Variants in NAXD observed in about 807,000 individuals in gnomAD.
The protein encoded by NAXD is NAD(P)HX dehydratase, also known as ATP-dependent (S)-NAD(P)H-hydrate dehydratase.
Under a neutral mutation model 35.8 loss-of-function variants are expected in NAXD, and 22 were observed. That is an observed-to-expected ratio of 0.62 (90% CI 0.44 to 0.88). NAXD has a LOEUF of 0.88. Among genes scored for constraint, NAXD ranks in the 40% least tolerant of loss-of-function variants. The pLI is 0.00. For synonymous variants in NAXD, 189 were observed against 177.6 expected (o/e 1.06, Z -0.51); for missense variants, 428 against 437.7 (o/e 0.98, Z 0.20).
rs763737832 is a variant in NAXD at position 110,635,572 on chromosome 13, C to G, written c.702C>G (p.Leu234=). The change falls in exon 8 of 10, where the codon CTC becomes CTG. Residue 234 remains leucine (L), a synonymous_variant. Transcript: ENST00000680254. ...TVVQKGERDI[L]SNGQQVLVCS... ...TCCAGAAAGGAGAGCGCGACATCCT[C>G]TCCAACGGCCAGCAGGGTGAGTGGC... is the stretch of plus-strand genomic sequence containing the variant. 5 of 1,614,090 alleles carry G rather than the reference C, an allele frequency of 3.1e-6. No individual in the cohort carries two copies. In the South Asian group the frequency reaches 5.5e-5, roughly 18 times the overall value.
chr13:110,634,836 A>T, intron 7 of NAXD, 60 bp downstream of exon 7: 2 of 1,278,958 alleles, frequency 1.6e-6, no homozygotes, highest in Non-Finnish European at 1.1e-6. Context: ...AAGAGGGTGA[A>T]GGACGAGCTC....
chr13:110,639,191 T>G lies in NAXD; in HGVS notation c.*663T>G. 6.1e-6 allele frequency: 1 copy of G among 163,828 alleles called. No homozygotes were observed. The highest frequency in any genetic ancestry group is 1.6e-4 in the South Asian group (1 of 6,218). 10.1% of individuals were successfully genotyped at this position (163,828 alleles called of 1,614,324 possible). A position where few individuals can be genotyped will look rare whatever the true frequency, so the allele number is the denominator to read the frequency against. ...AACATGAGTGACGCTGACCCTTGAGTGTGTGGGTGGGGAGCTCTGAGACGC... is the reference window on the plus strand; with the variant it reads ...AACATGAGTGACGCTGACCCTTGAGGGTGTGGGTGGGGAGCTCTGAGACGC... On this transcript the variant is annotated 3_prime_UTR_variant, in exon 10 of 10. Transcript: ENST00000680254.
chr13:110,623,934 G>A (rs1209761820), intron 2 of NAXD, among the ~76,000 whole-genome samples: 4 of 151,600 alleles, frequency 2.6e-5, no homozygotes, highest in Non-Finnish European at 5.9e-5. Context: ...CCCAGGAGGC[G>A]GAGGTTGCAA....
chr13:110,634,603 G>C lies in NAXD; in HGVS notation c.492+8G>C. 1 of 1,614,196 alleles carries C rather than the reference G, an allele frequency of 6.2e-7. No homozygotes were observed. Among genetic ancestry groups the C allele is most frequent in the Non-Finnish European group, 8.5e-7 (1 of 1,180,026 alleles). On this transcript the variant is annotated splice_region_variant and intron_variant, in intron 6 of 9. Coordinates refer to ENST00000680254, the MANE Select transcript of NAXD (RefSeq NM_001242882.2). ...CCTGTTGTCATCGACGCGGTGAGTTGACTTCTCTCCTCCTGGCTCGGACTC... is the reference window on the plus strand; with the variant it reads ...CCTGTTGTCATCGACGCGGTGAGTTCACTTCTCTCCTCCTGGCTCGGACTC...
chr13:110,631,983 T>C (rs1481586466), intron 5 of NAXD, among the ~76,000 whole-genome samples: 1 of 152,234 alleles, frequency 6.6e-6, no homozygotes, highest in African/African-American at 2.4e-5. Context: ...TTCAATACTT[T>C]AAATTATTCT....
intron 5 of NAXD, among the ~76,000 whole-genome samples, chr13:110,629,185 A>T (rs1886615720): frequency 1.3e-5 from 2 of 152,164 alleles, no homozygotes; most frequent in South Asian, 4.1e-4. Flanking sequence ...AAACAACCCG[A>T]TTAGGTAGAT....
chr13:110,625,746 C>G (rs903300180), intron 4 of NAXD, among the ~76,000 whole-genome samples: 1 of 152,252 alleles, frequency 6.6e-6, no homozygotes, highest in Non-Finnish European at 1.5e-5. Flanking sequence ...TGGAGGTGTT[C>G]TCTCTGCCGT....
intron 1 of NAXD, among the ~76,000 whole-genome samples, chr13:110,617,454 T>C (rs891736175): frequency 6.6e-6 from 1 of 152,222 alleles, no homozygotes; most frequent in Non-Finnish European, 1.5e-5. Flanking sequence ...AATGTTTCTG[T>C]GTTAACATTT....
In NAXD at chr13:110,635,576, A is replaced by G; in HGVS notation, c.706A>G (p.Asn236Asp). 2.5e-6 allele frequency: 4 copies of G among 1,614,084 alleles called. No homozygotes were observed. In the South Asian group the frequency reaches 4.4e-5, roughly 18 times the overall value. The stretch of plus-strand genomic sequence containing the variant: ...GAAAGGAGAGCGCGACATCCTCTCC[A>G]ACGGCCAGCAGGGTGAGTGGCGGCT... The part of the protein sequence containing the change: ...VQKGERDILS[N>D]GQQVLVCSQE... The change falls in exon 8 of 10, where the codon AAC becomes GAC. Residue 236 changes from asparagine to aspartate, a missense_variant. This residue lies in a region of NAXD where 209 missense variants were observed against 214.6 expected (regional missense o/e 0.97). Coordinates refer to ENST00000680254, the MANE Select transcript of NAXD (RefSeq NM_001242882.2).
chr13:110,624,816 A>G (rs907975330), intron 3 of NAXD, among the ~76,000 whole-genome samples: 1 of 152,166 alleles, frequency 6.6e-6, no homozygotes, highest in Admixed American at 6.5e-5. Context: ...TACTCCACCA[A>G]AGTGCACCTG....
Position 110,624,488 on chromosome 13 carries a change from C to T in NAXD, c.243+209C>T, listed in dbSNP as rs8002455. Among the ~76,000 whole-genome samples the T allele has an allele frequency of 5.3e-3, 804 of 152,178 alleles. 8 individuals are homozygous for T. Among genetic ancestry groups the T allele is most frequent in the African/African-American group, 0.018 (754 of 41,526 alleles). ...CTCATTTTTTTTTGAGACAGAGTTT[C>T]GCTCTTTTTGCCCAGGCTGGAGTGC... is the stretch of plus-strand genomic sequence containing the variant. On this transcript the variant is annotated intron_variant, in intron 3 of 9. Transcript: ENST00000680254.
At chr13:110,637,308 C>T in intron 9 of NAXD, 59 bp downstream of exon 9, 2 of 1,597,258 alleles carry the variant, frequency 1.3e-6, no homozygotes, top group Non-Finnish European at 1.7e-6. Context: ...TAAGCTGTTT[C>T]AGTAGCTCAT....
Position 110,628,944 on chromosome 13 carries a change from G to A in NAXD, c.441+1397G>A, listed in dbSNP as rs75818740. Among the ~76,000 whole-genome samples, 2,926 of 151,282 alleles carry A rather than the reference G, an allele frequency of 0.019. 140 individuals carry two copies. Among genetic ancestry groups the A allele is most frequent in the African/African-American group, 0.068 (2,775 of 40,550 alleles). ...GTATCTTAAAAAACCACTGTACTGCGTGGAAGTGTGAAAGGTGGGAAGTGA... is the reference window on the plus strand; with the variant it reads ...GTATCTTAAAAAACCACTGTACTGCATGGAAGTGTGAAAGGTGGGAAGTGA... On this transcript the variant is annotated intron_variant, in intron 5 of 9. Coordinates refer to ENST00000680254, the MANE Select transcript of NAXD (RefSeq NM_001242882.2). The surrounding 1 kb of genome is among the most constrained non-coding windows in gnomAD (Gnocchi z 4.1).
chr13:110,615,810 G>T (rs544014512), intron 1 of NAXD, 163 bp downstream of exon 1: 17 of 1,297,254 alleles, frequency 1.3e-5, no homozygotes, highest in South Asian at 4.7e-5. Flanking sequence ...TGGCTCGCGG[G>T]GGGGAAGCGC....
intron 3 of NAXD, 42 bp downstream of exon 3, chr13:110,624,321 G>T: frequency 7.2e-6 from 9 of 1,246,580 alleles, no homozygotes; most frequent in Non-Finnish European, 9.4e-6. Context: ...TTTTCTGGTA[G>T]AGAGTTTGAT....
chr13:110,625,915 C>T (rs989214553), intron 4 of NAXD, among the ~76,000 whole-genome samples: 4 of 152,058 alleles, frequency 2.6e-5, no homozygotes, highest in Admixed American at 1.3e-4. Flanking sequence ...GTGAAGGAAC[C>T]GTAGAGAGCG....
intron 1 of NAXD, among the ~76,000 whole-genome samples, chr13:110,617,920 C>A (rs777878426): frequency 6.6e-6 from 1 of 152,150 alleles, no homozygotes; most frequent in Non-Finnish European, 1.5e-5. Context: ...AGGCTGTGTT[C>A]GAGGTGATTG....
At chr13:110,620,939 A>G (rs529661644) in intron 1 of NAXD, among the ~76,000 whole-genome samples, 72 of 152,358 alleles carry the variant, frequency 4.7e-4, no homozygotes, top group African/African-American at 1.6e-3. Context: ...ATTGAGCTCT[A>G]TAGAACATAC....
rs925344293 is a variant in NAXD, at chr13:110,628,689, C to T, written c.441+1142C>T. Among the ~76,000 whole-genome samples the T allele has an allele frequency of 3.3e-5, 5 of 151,950 alleles. No homozygotes were observed. The highest frequency in any genetic ancestry group is 5.9e-5 in the Non-Finnish European group (4 of 68,024). ...TGAGCTTTAAGGTCTTACCCGCTCA[C>T]CGGGAAGGAGGAGGTGGCCATGTTT... On this transcript the variant is annotated intron_variant, in intron 5 of 9. Coordinates refer to ENST00000680254, the MANE Select transcript of NAXD (RefSeq NM_001242882.2). This position sits in a 1 kb window ranked among gnomAD's most constrained non-coding sequence, Gnocchi z 4.1.
Sources: allele counts gnomAD v4.1 joint callset (sites outside exome capture counted in the v4.1 genomes callset), GRCh38; gene constraint gnomAD v4.1.1; regional missense constraint gnomAD v4.1.1; non-coding constraint Gnocchi (gnomAD v3.1); transcripts MANE v1.5; gene names NCBI Gene and HGNC (gene_info 2026-07-23, HGNC 2026-07-21).